The following CDC42 variants were observed in gnomAD, a reference collection of about 807,000 sequenced individuals.
CDC42 encodes cell division control protein 42 homolog.
CDC42 carries 1 observed loss-of-function variant against 20.8 expected under a neutral mutation model. The observed-to-expected ratio is 0.05, with a 90% CI of 0.02 to 0.23. The LOEUF (loss-of-function observed/expected upper bound fraction) is 0.23. CDC42 is among the 10% of genes least tolerant of loss of function. CDC42 has a pLI of 1.00. For synonymous variants in CDC42, 72 were observed against 84.8 expected (o/e 0.85, Z 0.83); for missense variants, 49 against 227.9 (o/e 0.21, Z 5.05).
At chr1:22,079,147 T>C (rs778009526) in intron 2 of CDC42, among the ~76,000 whole-genome samples, 3 of 107,878 alleles carry the variant, frequency 2.8e-5, no homozygotes, top group Non-Finnish European at 4.8e-5. Context: ...TTCTTTTTTT[T>C]TTTTTTTTTG....
chr1:22,067,038 G>T (rs557295105), intron 1 of CDC42, among the ~76,000 whole-genome samples: 40 of 152,316 alleles, frequency 2.6e-4, no homozygotes, highest in African/African-American at 9.4e-4. Context: ...AGACCTGAAG[G>T]CAGGACAGAG....
intron 1 of CDC42, among the ~76,000 whole-genome samples, chr1:22,064,964 A>T (rs1034161486): frequency 3.3e-5 from 5 of 152,200 alleles, no homozygotes; most frequent in African/African-American, 1.2e-4. Flanking sequence ...CTGGGATTAC[A>T]GGCGTGAGCC....
At chr1:22,082,199 T>A (rs1488969008) in intron 3 of CDC42, among the ~76,000 whole-genome samples, 3 of 150,484 alleles carry the variant, frequency 2.0e-5, no homozygotes, top group Non-Finnish European at 4.5e-5. Flanking sequence ...TTTTAAAGCC[T>A]AGAGTTTCCT....
chr1:22,053,904 G>A (rs1353707060), intron 1 of CDC42, among the ~76,000 whole-genome samples: 1 of 152,188 alleles, frequency 6.6e-6, no homozygotes, highest in Non-Finnish European at 1.5e-5. Context: ...CCCTTGCGTG[G>A]CATTAACTTT....
At chr1:22,075,203 C>T (rs923874819) in intron 1 of CDC42, among the ~76,000 whole-genome samples, 4 of 152,344 alleles carry the variant, frequency 2.6e-5, no homozygotes, top group East Asian at 1.9e-4. Context: ...TAGTCCACAA[C>T]GGTAGCCTCC....
chr1:22,067,596 C>T (rs1255013053), intron 1 of CDC42, among the ~76,000 whole-genome samples: 6 of 152,316 alleles, frequency 3.9e-5, no homozygotes, highest in Admixed American at 1.3e-4. Context: ...CCGCCTGCCT[C>T]GGCCTCTCAA....
At chr1:22,057,534 G>C (rs977820663) in intron 1 of CDC42, among the ~76,000 whole-genome samples, 1 of 151,850 alleles carries the variant, frequency 6.6e-6, no homozygotes, top group Non-Finnish European at 1.5e-5. Context: ...GCAGGCATGC[G>C]TCAGCGCCCC....
Position 22,099,597 on chromosome 1 carries a change from G to A in CDC42, c.*8080G>A, listed in dbSNP as rs1457926280. ...TATAGTGCACAGGGCAAGCAAAGCAGCATAAAAGGCTTCATCTGTAAGGGT... is the reference window on the plus strand; with the variant it reads ...TATAGTGCACAGGGCAAGCAAAGCAACATAAAAGGCTTCATCTGTAAGGGT... On this transcript the variant is annotated 3_prime_UTR_variant, in exon 6 of 6. Transcript: ENST00000656825. Among the ~76,000 whole-genome samples, 1 of 152,200 alleles carries A rather than the reference G, an allele frequency of 6.6e-6. No homozygotes were observed. Among genetic ancestry groups the A allele is most frequent in the Non-Finnish European group, 1.5e-5 (1 of 68,034 alleles).
chr1:22,071,238 G>A (rs1645488823), intron 1 of CDC42, among the ~76,000 whole-genome samples: 1 of 151,748 alleles, frequency 6.6e-6, no homozygotes, highest in South Asian at 2.1e-4. Context: ...TAGCGTCGGG[G>A]TTTCACCATG....
At chr1:22,079,673 A>G (rs777083573) in intron 2 of CDC42, among the ~76,000 whole-genome samples, 3 of 152,228 alleles carry the variant, frequency 2.0e-5, no homozygotes, top group Non-Finnish European at 2.9e-5. Flanking sequence ...GACAAGATAA[A>G]TGGAAGACGT....
At position 22,098,849 on chromosome 1, in the gene CDC42, C is replaced by T. The variant is rs562146448; in HGVS notation, c.*7332C>T. ...TCTTGGGTCACTGCATCCTTGACCT[C>T]CCCAGCTCAAGCGATCCTCCCGCCT... On this transcript the variant is annotated 3_prime_UTR_variant, in exon 6 of 6. Coordinates refer to ENST00000656825, the MANE Select transcript of CDC42 (RefSeq NM_001791.4). Among the ~76,000 whole-genome samples, 22 of 152,146 alleles carry T rather than the reference C, an allele frequency of 1.4e-4. No individual in the cohort carries two copies. The highest frequency in any genetic ancestry group is 2.9e-4 in the Non-Finnish European group (20 of 68,024).
intron 3 of CDC42, among the ~76,000 whole-genome samples, chr1:22,083,324 C>T (rs539766946): frequency 1.3e-5 from 2 of 151,896 alleles, no homozygotes; most frequent in Admixed American, 6.6e-5. Flanking sequence ...ATTTTAAGGC[C>T]AGGCGCGGTG....
At chr1:22,061,528 CTTTCTTTTTTTTTTTTTTTTTT>C (rs1467569979) in intron 1 of CDC42, among the ~76,000 whole-genome samples, 19 of 86,306 alleles carry the variant, frequency 2.2e-4, no homozygotes, top group African/African-American at 7.1e-4. Context: ...CTTCATGTTT[CTTTCTTTTTTTTTTTTTTTTTT>C]TTTTTTTTTT....
intron 5 of CDC42, among the ~76,000 whole-genome samples, chr1:22,089,550 A>G (rs1645694975): frequency 6.6e-6 from 1 of 152,214 alleles, no homozygotes; most frequent in Admixed American, 6.5e-5. Context: ...TTACTCTGAA[A>G]TCTTGATTAA....
In CDC42 at chr1:22,072,278, T is replaced by C. The variant is rs571501620; in HGVS notation, c.-50-6151T>C. Among the ~76,000 whole-genome samples, 9 of 151,946 alleles carry C rather than the reference T, an allele frequency of 5.9e-5. No individual in the cohort carries two copies. In the South Asian group the frequency reaches 1.9e-3, roughly 32 times the overall value. ...ACGCCTGGCTAATTTTTTGTATTTTTAGTAGAGTCGGGGTTTCGCCATGTT... is the reference window on the plus strand; with the variant it reads ...ACGCCTGGCTAATTTTTTGTATTTTCAGTAGAGTCGGGGTTTCGCCATGTT... On this transcript the variant is annotated intron_variant, in intron 1 of 5. Transcript: ENST00000656825.
In CDC42 at chr1:22,099,023, G is replaced by A. The variant is rs1415866474; in HGVS notation, c.*7506G>A. 6.6e-6 allele frequency among the ~76,000 whole-genome samples: 1 copy of A among 152,154 alleles called. No individual in the cohort carries two copies. Among genetic ancestry groups the A allele is most frequent in the Non-Finnish European group, 1.5e-5 (1 of 68,040 alleles). ...CCCACCTCGGCCTCCCAACGTGCTG[G>A]GATTACAGGCATTAGCCACTGTGCC... On this transcript the variant is annotated 3_prime_UTR_variant, in exon 6 of 6. Coordinates refer to ENST00000656825, the MANE Select transcript of CDC42 (RefSeq NM_001791.4).
intron 1 of CDC42, among the ~76,000 whole-genome samples, chr1:22,055,866 A>ATTT (rs1426304325): frequency 2.2e-5 from 2 of 90,064 alleles, no homozygotes; most frequent in African/African-American, 9.3e-5. Context: ...ATTGTTTTAG[A>ATTT]GTTTTTTTTT....
At chr1:22,088,759 C>G (rs545855339) in intron 5 of CDC42, among the ~76,000 whole-genome samples, 114 of 152,286 alleles carry the variant, frequency 7.5e-4, no homozygotes, top group African/African-American at 2.6e-3. Context: ...ATTTCCCTTT[C>G]TGTACTCCTT....
chr1:22,089,729 T>C (rs1166648296), intron 5 of CDC42, among the ~76,000 whole-genome samples: 1 of 152,240 alleles, frequency 6.6e-6, no homozygotes, highest in Non-Finnish European at 1.5e-5. Flanking sequence ...AAAAATTGCT[T>C]TCCTGCTCAG....
Sources: gnomAD v4.1 joint callset for allele counts (sites outside exome capture counted in the v4.1 genomes callset) on GRCh38, gnomAD v4.1.1 for gene constraint, MANE v1.5 for transcripts, NCBI Gene and HGNC (gene_info 2026-07-23, HGNC 2026-07-21) for gene names.